SMARCA2: variants seen among roughly 807,000 people sequenced by gnomAD.
SMARCA2 encodes the protein SWI/SNF related BAF chromatin remodeling complex subunit ATPase 2, also known as SWI/SNF-related matrix-associated actin-dependent regulator of chromatin subfamily A member 2.
A neutral mutation model predicts 199.8 loss-of-function variants in SMARCA2; 61 were observed. The ratio of observed to expected loss-of-function variants is 0.31; its 90% confidence interval spans 0.25 to 0.38. SMARCA2 has a LOEUF of 0.38. SMARCA2 is among the 10% of genes least tolerant of loss of function. SMARCA2 has a pLI of 1.00. For missense variants in SMARCA2, 1,344 were observed against 2,012.2 expected, an observed-to-expected ratio of 0.67 and a Z score of 6.35; for synonymous variants, 935 against 732.0, an observed-to-expected ratio of 1.28 and a Z score of -4.48.
At chr9:2,106,198 C>A (rs994582042) in intron 23 of SMARCA2, among the ~76,000 whole-genome samples, 5 of 152,190 alleles carry the variant, frequency 3.3e-5, no homozygotes, top group African/African-American at 1.2e-4. Flanking sequence ...TATGGTGAAA[C>A]CAGGTTCTAA....
chr9:2,160,346 C>T (rs1586770704), intron 27 of SMARCA2: 1 of 498,224 alleles, frequency 2.0e-6, no homozygotes. Context: ...CAGACTGTCC[C>T]TTAGGAATCT....
rs1045895734 is a variant in SMARCA2 at position 2,056,763 on chromosome 9, C to G, written c.1265C>G (p.Thr422Ser). 4 of 1,614,096 alleles carry G rather than the reference C, an allele frequency of 2.5e-6. No individual in the cohort carries two copies. The highest frequency in any genetic ancestry group is 1.7e-5 in the Admixed American group (1 of 60,008). Residue 422 changes from threonine to serine, a missense_variant, in exon 7 of 34, where the codon ACT (threonine) becomes AGT (serine). By Grantham distance (58) the Thr-to-Ser change is moderately conservative. Around this residue, in one of 18 missense-constraint regions of SMARCA2, gnomAD observed 155 missense variants for 260.0 expected, o/e 0.60. Coordinates refer to ENST00000349721, the MANE Select transcript of SMARCA2 (RefSeq NM_003070.5). The surrounding 1 kb of genome is among the most constrained non-coding windows in gnomAD (Gnocchi z 4.0). ...GCATACAAACGGAGCAAGCGCCAGA[C>G]TCTGAGAGAAGCTCGCATGACCGAG... ...SKAYKRSKRQ[T>S]LREARMTEKL... is the part of the protein sequence containing the mutation.
At chr9:2,147,691 C>CA (rs1215297665) in intron 27 of SMARCA2, among the ~76,000 whole-genome samples, 5 of 151,458 alleles carry the variant, frequency 3.3e-5, no homozygotes, top group Non-Finnish European at 7.4e-5. Context: ...ACTAAAAATA[C>CA]GAAAATTAGC....
chr9:2,130,822 C>T (rs1823915017), intron 27 of SMARCA2, among the ~76,000 whole-genome samples: 1 of 152,158 alleles, frequency 6.6e-6, no homozygotes, highest in Admixed American at 6.5e-5. Context: ...TAAGAGCAGG[C>T]ATTCCATCTA....
rs568548554 is a variant in SMARCA2, at chr9:2,158,951, A to C, written c.3982-2735A>C. On this transcript the variant is annotated intron_variant, in intron 27 of 33. Transcript: ENST00000349721. ...GTTTTGTAGCTCTCTGCATTCCTGC[A>C]TAAAACCTTAGTTTGAGGGGAATAA... is the stretch of plus-strand genomic sequence containing the variant. 53 of 1,612,284 alleles carry C rather than the reference A, an allele frequency of 3.3e-5. No homozygotes were observed. In the African/African-American group the frequency reaches 5.6e-4, roughly 17 times the overall value.
intron 2 of SMARCA2, among the ~76,000 whole-genome samples, chr9:2,030,806 A>G (rs913919662): frequency 6.6e-6 from 1 of 152,180 alleles, no homozygotes. Context: ...TACCACAGAA[A>G]AGAGCAAGTC....
intron 29 of SMARCA2, among the ~76,000 whole-genome samples, chr9:2,179,335 T>C (rs1260191797): frequency 1.3e-5 from 2 of 152,248 alleles, no homozygotes; most frequent in Admixed American, 1.3e-4. Flanking sequence ...AAGTCTTCCA[T>C]AGATAACTTC....
chr9:2,088,064 GTTCCTTTAGTATGTTTCTGTGTCTGA>G (rs1268992982), intron 18 of SMARCA2, among the ~76,000 whole-genome samples: 7 of 152,230 alleles, frequency 4.6e-5, no homozygotes, highest in African/African-American at 1.7e-4. Flanking sequence ...TCAAGCCCCT[GTTCCTTTAGTATGTTTCTGTGTCTGA>G]GACAACCAAG....
intron 4 of SMARCA2, chr9:2,042,060 C>G (rs1269935229): frequency 2.0e-5 from 3 of 152,166 alleles, no homozygotes; most frequent in East Asian, 1.9e-4. Flanking sequence ...AGGAAAAAAA[C>G]CTATCACAAA....
At chr9:2,149,390 G>C (rs549843641) in intron 27 of SMARCA2, among the ~76,000 whole-genome samples, 16 of 151,266 alleles carry the variant, frequency 1.1e-4, no homozygotes, top group African/African-American at 3.4e-4. Context: ...CATGATGGTG[G>C]GTGCCCGTAA....
intron 29 of SMARCA2, among the ~76,000 whole-genome samples, chr9:2,176,187 T>G (rs1207728284): frequency 7.4e-6 from 1 of 135,228 alleles, no homozygotes; most frequent in South Asian, 2.2e-4. Flanking sequence ...GGCCTGTTTT[T>G]TTTTTTTTTT....
At chr9:2,144,941 G>T (rs1824656498) in intron 27 of SMARCA2, among the ~76,000 whole-genome samples, 1 of 151,790 alleles carries the variant, frequency 6.6e-6, no homozygotes, top group Non-Finnish European at 1.5e-5. Flanking sequence ...ATCTGTGAAT[G>T]AAAAAAAAGC....
chr9:2,181,328 G>GTATT, intron 29 of SMARCA2: 1 of 367,354 alleles, frequency 2.7e-6, no homozygotes, highest in Non-Finnish European at 4.9e-6. Flanking sequence ...AATCCACAGT[G>GTATT]TATTTCCCAT....
At chr9:2,188,190 TGTATAATAC>T (rs1827623097) in intron 32 of SMARCA2, among the ~76,000 whole-genome samples, 1 of 152,154 alleles carries the variant, frequency 6.6e-6, no homozygotes, top group Non-Finnish European at 1.5e-5. Flanking sequence ...TATATTAATA[TGTATAATAC>T]ATATTAACAT....
intron 27 of SMARCA2, among the ~76,000 whole-genome samples, chr9:2,138,367 C>A (rs1337170250): frequency 6.6e-6 from 1 of 152,074 alleles, no homozygotes; most frequent in Admixed American, 6.5e-5. Context: ...ACACCATGAC[C>A]CTTTCCTTGA....
chr9:2,077,503 T>G (rs1403134007), intron 13 of SMARCA2, 126 bp from the exon 14 acceptor site: 1 of 850,908 alleles, frequency 1.2e-6, no homozygotes, highest in Non-Finnish European at 1.9e-6. Context: ...GCATGGCAAG[T>G]CGTGGTTGAT....
At chr9:2,130,864 T>A (rs1192389619) in intron 27 of SMARCA2, among the ~76,000 whole-genome samples, 1 of 152,112 alleles carries the variant, frequency 6.6e-6, no homozygotes, top group Non-Finnish European at 1.5e-5. Flanking sequence ...TGGGCCACGG[T>A]TTTCCGGTTT....
intron 28 of SMARCA2, among the ~76,000 whole-genome samples, chr9:2,163,659 T>C (rs1256933983): frequency 1.3e-5 from 2 of 152,086 alleles, no homozygotes; most frequent in Non-Finnish European, 2.9e-5. Flanking sequence ...CTCAGGAGAG[T>C]GTAACGTCTG....
rs185460807 is a variant in SMARCA2 at position 2,104,193 on chromosome 9, C to T, written c.3292+24C>T. ...TGGTAAGTGCATAAGGCATTAGGCT[C>T]GGAAGCCATACTACTGAAAATGAAG... On this transcript the variant is annotated intron_variant, in intron 23 of 33. Transcript: ENST00000349721. This position sits in a 1 kb window ranked among gnomAD's most constrained non-coding sequence, Gnocchi z 4.0. 455 of 1,595,594 alleles carry T rather than the reference C, an allele frequency of 2.9e-4. 1 individual carries two copies. In the African/African-American group the frequency reaches 5.3e-3, roughly 18 times the overall value.
Sources: allele counts gnomAD v4.1 joint callset (sites outside exome capture counted in the v4.1 genomes callset), GRCh38; gene constraint gnomAD v4.1.1; regional missense constraint gnomAD v4.1.1; non-coding constraint Gnocchi (gnomAD v3.1); transcripts MANE v1.5; gene names NCBI Gene and HGNC (gene_info 2026-07-23, HGNC 2026-07-21).